SEC23A: variants seen among roughly 807,000 people sequenced by gnomAD.
SEC23A encodes SEC23 homolog A, COPII component.
Under a neutral mutation model 103.7 loss-of-function variants are expected in SEC23A, and 56 were observed. The ratio of observed to expected loss-of-function variants is 0.54; its 90% CI spans 0.44 to 0.67. SEC23A has a LOEUF of 0.67. SEC23A is among the 30% of genes least tolerant of loss of function. The pLI is 0.00. For synonymous variants in SEC23A, 281 were observed against 293.0 expected (o/e 0.96, Z 0.42); for missense variants, 784 against 936.4 (o/e 0.84, Z 2.12).
chr14:39,098,248 T>C (rs1409345092), intron 1 of SEC23A, among the ~76,000 whole-genome samples: 1 of 151,784 alleles, frequency 6.6e-6, no homozygotes, highest in African/African-American at 2.4e-5. Flanking sequence ...GTAACATAGG[T>C]GGCAATAAAG....
chr14:39,035,417 T>G (rs952171967), intron 19 of SEC23A, among the ~76,000 whole-genome samples: 34 of 152,236 alleles, frequency 2.2e-4, no homozygotes, highest in Admixed American at 1.9e-3. Context: ...TGACTTTTTT[T>G]TCCATTGATA....
In SEC23A at chr14:39,045,378, GT is replaced by G. The variant is rs1885795207; in HGVS notation, c.1738-55del. 9 of 1,363,168 alleles carry G rather than the reference GT, an allele frequency of 6.6e-6. No individual in the cohort carries two copies. In the East Asian group the frequency reaches 2.1e-4, roughly 32 times the overall value. 84.4% of individuals were successfully genotyped at this position (1,363,168 alleles called of 1,614,324 possible). On this transcript the variant is annotated intron_variant, in intron 15 of 19. Transcript: ENST00000307712. ...TACTGATTTTAATATTAAAACAGGT[GT>G]TTACTATTAGCAAAAATATTTGATT...
intron 1 of SEC23A, among the ~76,000 whole-genome samples, chr14:39,101,464 A>T (rs1304661598): frequency 6.6e-6 from 1 of 151,886 alleles, no homozygotes; most frequent in African/African-American, 2.4e-5. Context: ...CTGAAAATAC[A>T]AAAATTAGCC....
chr14:39,065,479 C>A (rs1485837915), intron 10 of SEC23A, among the ~76,000 whole-genome samples: 1 of 152,142 alleles, frequency 6.6e-6, no homozygotes, highest in African/African-American at 2.4e-5. Context: ...ATGCAGAATA[C>A]CACTGTCAGA....
At chr14:39,041,804 G>A (rs1176621384) in intron 17 of SEC23A, among the ~76,000 whole-genome samples, 1 of 150,692 alleles carries the variant, frequency 6.6e-6, no homozygotes, top group East Asian at 2.0e-4. Flanking sequence ...GGGAGGCAGA[G>A]GCTGCAGTGA....
intron 7 of SEC23A, among the ~76,000 whole-genome samples, chr14:39,079,725 G>C (rs1301170344): frequency 6.6e-6 from 1 of 152,028 alleles, no homozygotes; most frequent in Non-Finnish European, 1.5e-5. Flanking sequence ...GGGAGGCTGA[G>C]GCAGGAGAAT....
At chr14:39,085,625 T>C in intron 7 of SEC23A, 137 bp downstream of exon 7, 2 of 1,023,158 alleles carry the variant, frequency 2.0e-6, no homozygotes, top group Non-Finnish European at 2.9e-6. Flanking sequence ...TCTTTGTTGA[T>C]GCTGAGTGAG....
At chr14:39,057,861 TC>T (rs1265424220) in intron 13 of SEC23A, among the ~76,000 whole-genome samples, 1 of 152,232 alleles carries the variant, frequency 6.6e-6, no homozygotes, top group African/African-American at 2.4e-5. Flanking sequence ...GAATAAAGTG[TC>T]GGAAGTTTCT....
In SEC23A at chr14:39,063,246, G is replaced by C. The variant is rs1466916088; in HGVS notation, c.1398+78C>G. The C allele has an allele frequency of 9.5e-6, 8 of 840,298 alleles. No individual in the cohort carries two copies. The East Asian group carries it at 2.0e-4, about 21-fold the overall frequency. 52.1% of individuals were successfully genotyped at this position (840,298 alleles called of 1,614,324 possible). A position where few individuals can be genotyped will look rare whatever the true frequency, so the allele number is the denominator to read the frequency against. On this transcript the variant is annotated intron_variant, in intron 12 of 19. Transcript: ENST00000307712. ...ATATCTACTATAGGAAAAAAAATAT[G>C]AACTATTCATGGCCTAAAGTAAGTA...
intron 13 of SEC23A, among the ~76,000 whole-genome samples, chr14:39,061,177 C>T (rs1447721574): frequency 1.1e-4 from 16 of 151,580 alleles, no homozygotes; most frequent in Admixed American, 1.1e-3. Context: ...AGCATCTGTA[C>T]CCGAAGGATT....
At chr14:39,066,356 G>A (rs8020321) in intron 10 of SEC23A, among the ~76,000 whole-genome samples, 41,801 of 151,972 alleles carry the variant, frequency 0.28, 6,713 homozygotes, top group Non-Finnish European at 0.35. Context: ...AATCAATTAG[G>A]ATTAGAAGCA....
intron 10 of SEC23A, among the ~76,000 whole-genome samples, chr14:39,065,644 C>T (rs1566495579): frequency 6.6e-6 from 1 of 152,132 alleles, no homozygotes; most frequent in Non-Finnish European, 1.5e-5. Context: ...TGATTCTCAC[C>T]TCTATGCCTC....
chr14:39,049,442 C>T (rs1475876759), intron 14 of SEC23A, among the ~76,000 whole-genome samples: 2 of 150,974 alleles, frequency 1.3e-5, no homozygotes, highest in South Asian at 4.2e-4. Context: ...TGCCACTGGA[C>T]TCCAGCCTGG....
intron 1 of SEC23A, among the ~76,000 whole-genome samples, chr14:39,101,887 G>C (rs1888109071): frequency 6.6e-6 from 1 of 152,076 alleles, no homozygotes; most frequent in South Asian, 2.1e-4. Context: ...ACTTGGACTA[G>C]AAAATCACAA....
intron 9 of SEC23A, among the ~76,000 whole-genome samples, chr14:39,071,065 A>G (rs1165154701): frequency 2.0e-5 from 3 of 152,130 alleles, no homozygotes; most frequent in African/African-American, 7.2e-5. Flanking sequence ...ACTTACCCCG[A>G]AGATCAAGAA....
Position 39,040,758 on chromosome 14 carries a change from T to C in SEC23A, c.2116A>G (p.Ile706Val). 1 of 1,614,216 alleles carries C rather than the reference T, an allele frequency of 6.2e-7. No homozygotes were observed. Among genetic ancestry groups the C allele is most frequent in the South Asian group, 1.1e-5 (1 of 91,086 alleles). ...TGGCTGCCTCCATGTTCAGTGTCAA[T>C]GTATCTTGGCATTGGAAATCTGGAG... ...LHSRFPMPRY[I>V]DTEHGGSQAR... Residue 706 changes from isoleucine to valine, a missense_variant, in exon 18 of 20, where the codon ATT becomes GTT. By Grantham distance (29) the Ile-to-Val change is conservative. Transcript: ENST00000307712.
chr14:39,102,558 T>C (rs770839502), intron 1 of SEC23A, among the ~76,000 whole-genome samples: 7 of 152,216 alleles, frequency 4.6e-5, no homozygotes, highest in Non-Finnish European at 8.8e-5. Context: ...CTGAACTCTT[T>C]GTAATCAAAA....
At chr14:39,090,253 T>C (rs1041341204) in intron 5 of SEC23A, among the ~76,000 whole-genome samples, 6 of 152,184 alleles carry the variant, frequency 3.9e-5, no homozygotes, top group Non-Finnish European at 5.9e-5. Context: ...GTAAATGTTC[T>C]CAACTAGGAG....
intron 1 of SEC23A, among the ~76,000 whole-genome samples, chr14:39,096,530 CAAA>C (rs145342826): frequency 1.5e-5 from 2 of 132,444 alleles, no homozygotes; most frequent in Non-Finnish European, 1.6e-5. Flanking sequence ...AACTCCATCT[CAAA>C]AAAAAAAAAA....
Sources: gnomAD v4.1 joint callset for allele counts (sites outside exome capture counted in the v4.1 genomes callset) on GRCh38, gnomAD v4.1.1 for gene constraint, MANE v1.5 for transcripts, NCBI Gene and HGNC (gene_info 2026-07-23, HGNC 2026-07-21) for gene names.